The following SLC35E2B variants were observed in gnomAD, a reference collection of about 807,000 sequenced individuals.
The protein encoded by SLC35E2B is solute carrier family 35, member E2B.
In SLC35E2B, 18 loss-of-function variants were observed where a neutral mutation model predicts 32.4. That is an observed-to-expected ratio of 0.56 (90% CI 0.38 to 0.82). SLC35E2B has a LOEUF of 0.82. Ranked by LOEUF, SLC35E2B falls within the 40% of genes least tolerant of loss-of-function variation. The pLI, the probability that SLC35E2B is intolerant of heterozygous loss-of-function variation, is 0.00. For synonymous variants in SLC35E2B, 132 were observed against 209.1 expected (o/e 0.63, Z 3.18); for missense variants, 263 against 469.5 (o/e 0.56, Z 4.06).
chr1:1,669,781 C>T lies in SLC35E2B; in HGVS notation c.762-45G>A, dbSNP rs780937679. 1.5e-4 allele frequency: 224 copies of T among 1,535,662 alleles called. 1 individual carries two copies. The highest frequency in any genetic ancestry group is 1.8e-4 in the Non-Finnish European group (205 of 1,134,288). On this transcript the variant is annotated intron_variant, in intron 7 of 9. Transcript: ENST00000617444. ...CTGGGCCCCCCGTGTCGGGACAGGC[C>T]GAGTTCACACGCAGCTCCCTCACAG...
intron 2 of SLC35E2B, among the ~76,000 whole-genome samples, chr1:1,689,337 A>T (rs188557394): frequency 1.3e-5 from 2 of 152,000 alleles, no homozygotes; most frequent in Non-Finnish European, 2.9e-5. Context: ...AGCGACAATT[A>T]GTAACACTGA....
At position 1,662,710 on chromosome 1, in the gene SLC35E2B, A is replaced by C. The variant is rs1643436611; in HGVS notation, c.*3072T>G. ...CCTTTTTATGCCTTTCAGTAGGGGA[A>C]GTTTCCTTGAAAGAGAGCTGCAAAT... On this transcript the variant is annotated 3_prime_UTR_variant, in exon 10 of 10. Coordinates refer to ENST00000617444, the MANE Select transcript of SLC35E2B (RefSeq NM_001290264.2). 1 of 743,392 alleles carries C rather than the reference A, an allele frequency of 1.3e-6. No homozygotes were observed. The highest frequency in any genetic ancestry group is 1.6e-6 in the Non-Finnish European group (1 of 610,606). 46.0% of individuals were successfully genotyped at this position (743,392 alleles called of 1,614,324 possible). A position where few individuals can be genotyped will look rare whatever the true frequency, so the allele number is the denominator to read the frequency against.
At position 1,665,399 on chromosome 1, in the gene SLC35E2B, G is replaced by A. The variant is rs932256095; in HGVS notation, c.*383C>T. 18 of 444,152 alleles carry A rather than the reference G, an allele frequency of 4.1e-5. No homozygotes were observed. Among genetic ancestry groups the A allele is most frequent in the East Asian group, 1.0e-4 (3 of 29,632 alleles). The allele number at this position is 444,152 out of a possible 1,614,324, so 27.5% of individuals were successfully genotyped here. A position where few individuals can be genotyped will look rare whatever the true frequency, so the allele number is the denominator to read the frequency against. On this transcript the variant is annotated 3_prime_UTR_variant, in exon 10 of 10. Transcript: ENST00000617444. ...CCTTCGATGGCTGGTGTGGGAAGCC[G>A]AGGGCTCTCTTGGCTGTGGCAGGGA... is the stretch of plus-strand genomic sequence containing the variant.
At chr1:1,688,395 A>G (rs1643977318) in intron 2 of SLC35E2B, among the ~76,000 whole-genome samples, 1 of 151,982 alleles carries the variant, frequency 6.6e-6, no homozygotes, top group Non-Finnish European at 1.5e-5. Context: ...TCACAAGGTC[A>G]GGACATCGAG....
At chr1:1,680,422 G>A (rs972007364) in intron 2 of SLC35E2B, among the ~76,000 whole-genome samples, 1 of 152,220 alleles carries the variant, frequency 6.6e-6, no homozygotes, top group Non-Finnish European at 1.5e-5. Context: ...CTGCACAGCA[G>A]CCCACTGGAC....
chr1:1,681,749 G>A (rs1280481259), intron 2 of SLC35E2B, among the ~76,000 whole-genome samples: 1 of 150,406 alleles, frequency 6.6e-6, no homozygotes, highest in Non-Finnish European at 1.5e-5. Flanking sequence ...ACTTTGGGAG[G>A]CTGAGGCAGA....
At chr1:1,671,963 A>T (rs1471784308) in intron 5 of SLC35E2B, 3 of 198,108 alleles carry the variant, frequency 1.5e-5, no homozygotes, top group Admixed American at 1.2e-4. Context: ...GATGGTCCCC[A>T]GGGAACTGCA....
intron 2 of SLC35E2B, among the ~76,000 whole-genome samples, chr1:1,681,038 C>T (rs1643895926): frequency 6.6e-6 from 1 of 151,712 alleles, no homozygotes; most frequent in African/African-American, 2.4e-5. Flanking sequence ...TCCAAGTTCT[C>T]AGCTCCTCAG....
rs568849884 is a variant in SLC35E2B, at chr1:1,673,152, T to G, written c.587-1523A>C. ...TAGGAGGCCGAGGCAGGAGGATCAC[T>G]TGAGATAAGGAGTTCAGGACCAGCA... On this transcript the variant is annotated intron_variant, in intron 5 of 9. Transcript: ENST00000617444. 25 of 198,712 alleles carry G rather than the reference T, an allele frequency of 1.3e-4. No individual in the cohort carries two copies. In the East Asian group the frequency reaches 3.9e-3, roughly 31 times the overall value. The allele number at this position is 198,712 out of a possible 1,614,324, so 12.3% of individuals were successfully genotyped here.
intron 2 of SLC35E2B, among the ~76,000 whole-genome samples, chr1:1,682,609 C>T (rs949568850): frequency 6.6e-6 from 1 of 152,004 alleles, no homozygotes; most frequent in African/African-American, 2.4e-5. Flanking sequence ...ATGAAAGTGC[C>T]TGAAAGAGGG....
Position 1,665,744 on chromosome 1 carries a change from G to C in SLC35E2B, c.*38C>G. On this transcript the variant is annotated 3_prime_UTR_variant, in exon 10 of 10. Coordinates refer to ENST00000617444, the MANE Select transcript of SLC35E2B (RefSeq NM_001290264.2). Reference sequence around the variant, plus strand: ...TCCCTGCCCATTTCTGGGGGATGCAGTGTCACGAGGACAGCAGCAGCTGGC... The same window carrying C: ...TCCCTGCCCATTTCTGGGGGATGCACTGTCACGAGGACAGCAGCAGCTGGC... The C allele has an allele frequency of 6.5e-7, 1 of 1,543,194 alleles. No homozygotes were observed. The highest frequency in any genetic ancestry group is 1.4e-5 in the African/African-American group (1 of 73,046).
chr1:1,678,416 G>A (rs965158850), intron 2 of SLC35E2B, among the ~76,000 whole-genome samples: 16 of 151,880 alleles, frequency 1.1e-4, no homozygotes, highest in Non-Finnish European at 4.4e-5. Flanking sequence ...CCCCAGTGGC[G>A]GCAATGCCAG....
At chr1:1,680,158 G>A (rs72901712) in intron 2 of SLC35E2B, among the ~76,000 whole-genome samples, 10,100 of 151,312 alleles carry the variant, frequency 0.067, 1,101 homozygotes, top group African/African-American at 0.23. Flanking sequence ...TAATGTAGCC[G>A]GGCATGGTGG....
At chr1:1,671,201 C>A (rs543060765) in intron 6 of SLC35E2B, 32 of 190,622 alleles carry the variant, frequency 1.7e-4, no homozygotes, top group Admixed American at 1.7e-3. Context: ...GCTCTGGCAG[C>A]CGCATGAAGA....
rs1268529780 is a variant in SLC35E2B at position 1,662,274 on chromosome 1, AAG to A, written c.*3506_*3507del. On this transcript the variant is annotated 3_prime_UTR_variant, in exon 10 of 10. Transcript: ENST00000617444. ...CCTTAGTACCATGTTGGTCAAAGGC[AAG>A]AGAGAGAATTCTATTTCCATCTGGA... 4 of 866,752 alleles carry A rather than the reference AAG, an allele frequency of 4.6e-6. No homozygotes were observed. Among genetic ancestry groups the A allele is most frequent in the South Asian group, 5.4e-5 (1 of 18,486 alleles). 53.7% of individuals were successfully genotyped at this position (866,752 alleles called of 1,614,324 possible).
At chr1:1,687,224 G>A (rs1013418647) in intron 2 of SLC35E2B, among the ~76,000 whole-genome samples, 2 of 152,150 alleles carry the variant, frequency 1.3e-5, no homozygotes, top group African/African-American at 2.4e-5. Flanking sequence ...TCTGCCCAGA[G>A]ACAGTCACAC....
rs375609908 is a variant in SLC35E2B, at chr1:1,677,517, G to A, written c.-147-671C>T. Among the ~76,000 whole-genome samples the A allele has an allele frequency of 3.8e-3, 535 of 142,536 alleles. 2 individuals are homozygous for A. Among genetic ancestry groups the A allele is most frequent in the Middle Eastern group, 0.015 (4 of 262 alleles). 93.5% of individuals were successfully genotyped at this position (142,536 alleles called of 152,430 possible). A position where few individuals can be genotyped will look rare whatever the true frequency, so the allele number is the denominator to read the frequency against. On this transcript the variant is annotated intron_variant, in intron 2 of 9. Coordinates refer to ENST00000617444, the MANE Select transcript of SLC35E2B (RefSeq NM_001290264.2). ...TTTTGAGACGGAGTATTGCTCTGTC[G>A]CCCAGGCTGAAGTGCAGAGGCGTGA...
Position 1,674,921 on chromosome 1 carries a change from G to C in SLC35E2B, c.586+542C>G, listed in dbSNP as rs193246789. 7.9e-5 allele frequency among the ~76,000 whole-genome samples: 12 copies of C among 152,120 alleles called. 1 individual carries two copies. Among genetic ancestry groups the C allele is most frequent in the Non-Finnish European group, 1.5e-4 (10 of 68,020 alleles). On this transcript the variant is annotated intron_variant, in intron 5 of 9. Coordinates refer to ENST00000617444, the MANE Select transcript of SLC35E2B (RefSeq NM_001290264.2). Reference sequence around the variant, plus strand: ...GTTTTCATGCAGCCACACTGGGTACGCGACATGGGGCTGACATGTCGCTGG... The same window carrying C: ...GTTTTCATGCAGCCACACTGGGTACCCGACATGGGGCTGACATGTCGCTGG...
In SLC35E2B at chr1:1,662,606, T is replaced by C. The variant is rs1200731115; in HGVS notation, c.*3176A>G. 2.3e-6 allele frequency: 2 copies of C among 866,810 alleles called. No homozygotes were observed. Among genetic ancestry groups the C allele is most frequent in the African/African-American group, 1.8e-5 (1 of 55,616 alleles). 53.7% of individuals were successfully genotyped at this position (866,810 alleles called of 1,614,324 possible). The stretch of plus-strand genomic sequence containing the variant: ...AGACACATTTTGGGTTGTGCAACAG[T>C]GTTCTCATCTTTCCAGGCAGGCAGA... On this transcript the variant is annotated 3_prime_UTR_variant, in exon 10 of 10. Transcript: ENST00000617444.
Sources: allele counts gnomAD v4.1 joint callset (sites outside exome capture counted in the v4.1 genomes callset), GRCh38; gene constraint gnomAD v4.1.1; transcripts MANE v1.5; gene names NCBI Gene and HGNC (gene_info 2026-07-23, HGNC 2026-07-21).